The following ORC5 variants were observed in gnomAD, a reference collection of about 807,000 sequenced individuals.
ORC5 encodes protein phosphatase 1, regulatory subunit 117.
ORC5 carries 39 observed loss-of-function variants against 58.8 expected under a neutral mutation model. The observed-to-expected ratio is 0.66, with a 90% confidence interval of 0.51 to 0.87. The LOEUF (loss-of-function observed/expected upper bound fraction) is 0.87, where lower values mean the gene tolerates loss of function less well. ORC5 is among the 40% of genes least tolerant of loss of function. The probability of loss-of-function intolerance (pLI) is 0.00; values close to 1 mark genes in which losing one functional copy is unlikely to be tolerated. For synonymous variants in ORC5, 218 were observed against 177.6 expected, an observed-to-expected ratio of 1.23 and a Z score of -1.81; for missense variants, 493 against 506.3, an observed-to-expected ratio of 0.97 and a Z score of 0.25.
At chr7:104,176,584 AG>A (rs1207806855) in intron 8 of ORC5, among the ~76,000 whole-genome samples, 3 of 152,092 alleles carry the variant, frequency 2.0e-5, no homozygotes, top group Non-Finnish European at 4.4e-5. Context: ...TCTAAAAGGG[AG>A]GGGCTATAAT....
chr7:104,168,326 T>A, intron 9 of ORC5, 147 bp downstream of exon 9: 1 of 1,266,534 alleles, frequency 7.9e-7, no homozygotes, highest in Non-Finnish European at 1.0e-6. Context: ...AGAAAAATCA[T>A]TAATCAAAAT....
At chr7:104,130,770 C>G (rs1312621764) in intron 13 of ORC5, among the ~76,000 whole-genome samples, 1 of 152,132 alleles carries the variant, frequency 6.6e-6, no homozygotes, top group Non-Finnish European at 1.5e-5. Context: ...TTTTTGCTAT[C>G]TGGAACATGT....
intron 2 of ORC5, among the ~76,000 whole-genome samples, chr7:104,203,007 G>T (rs996479172): frequency 2.6e-5 from 4 of 152,152 alleles, no homozygotes; most frequent in Admixed American, 6.5e-5. Flanking sequence ...TGCAAAACAG[G>T]GGGGCATCTG....
chr7:104,202,397 AT>A (rs756341377), intron 2 of ORC5: 1 of 285,884 alleles, frequency 3.5e-6, no homozygotes, highest in Non-Finnish European at 7.2e-6. Context: ...TTTCACCAGC[AT>A]TTGCTAACTC....
chr7:104,145,236 T>TATTA (rs1468439801), intron 12 of ORC5, among the ~76,000 whole-genome samples: 4 of 152,226 alleles, frequency 2.6e-5, no homozygotes, highest in African/African-American at 9.6e-5. Flanking sequence ...TGGCTAAGTA[T>TATTA]ATTAACTTCG....
At chr7:104,127,004 A>G (rs959330766) in intron 13 of ORC5, 111 bp from the exon 14 acceptor site, 1 of 678,076 alleles carries the variant, frequency 1.5e-6, no homozygotes, top group Non-Finnish European at 2.5e-6. Flanking sequence ...TAAAAATCCT[A>G]TAGTGCTATC....
intron 5 of ORC5, among the ~76,000 whole-genome samples, chr7:104,194,002 T>A (rs1799737613): frequency 6.6e-6 from 1 of 151,712 alleles, no homozygotes; most frequent in African/African-American, 2.4e-5. Flanking sequence ...AATATCAACA[T>A]TTTTTAATAA....
chr7:104,144,118 C>CAAAAAT (rs912143678), intron 12 of ORC5, among the ~76,000 whole-genome samples: 23 of 151,250 alleles, frequency 1.5e-4, no homozygotes, highest in African/African-American at 5.3e-4. Flanking sequence ...GACTCTGTCT[C>CAAAAAT]AAAAATAAAA....
Position 104,207,983 on chromosome 7 carries a change from G to C in ORC5, c.-79C>G. 7.3e-7 allele frequency: 1 copy of C among 1,371,048 alleles called. No homozygotes were observed. 84.9% of individuals were successfully genotyped at this position (1,371,048 alleles called of 1,614,324 possible). A position where few individuals can be genotyped will look rare whatever the true frequency, so the allele number is the denominator to read the frequency against. The stretch of plus-strand genomic sequence containing the variant: ...CAAGACGGAGCCTCTCCCGAGTCTG[G>C]CGGCCCACGCTCCCGCCGGAAACCG... On this transcript the variant is annotated 5_prime_UTR_variant, in exon 1 of 14. Transcript: ENST00000297431.
At chr7:104,156,644 C>A (rs1319332086) in intron 12 of ORC5, among the ~76,000 whole-genome samples, 1 of 151,672 alleles carries the variant, frequency 6.6e-6, no homozygotes, top group Non-Finnish European at 1.5e-5. Context: ...GTAAATCCAG[C>A]TATAAAAATA....
intron 5 of ORC5, among the ~76,000 whole-genome samples, chr7:104,189,508 C>G (rs916174745): frequency 6.6e-6 from 1 of 151,950 alleles, no homozygotes; most frequent in African/African-American, 2.4e-5. Context: ...ATATCAAGGC[C>G]CCACCTCCTG....
intron 8 of ORC5, among the ~76,000 whole-genome samples, chr7:104,177,917 T>C (rs1347880146): frequency 3.3e-5 from 5 of 152,248 alleles, no homozygotes; most frequent in Non-Finnish European, 5.9e-5. Flanking sequence ...TTTTCATGGC[T>C]GCATAGTATT....
chr7:104,187,973 A>G, intron 6 of ORC5: 3 of 1,040,088 alleles, frequency 2.9e-6, no homozygotes, highest in Non-Finnish European at 3.5e-6. Flanking sequence ...ATTTTCTGCA[A>G]TTAGAGAAAA....
chr7:104,206,708 T>C (rs902565928), intron 1 of ORC5, among the ~76,000 whole-genome samples: 5 of 152,210 alleles, frequency 3.3e-5, no homozygotes, highest in Non-Finnish European at 7.3e-5. Context: ...GAAAGTACAG[T>C]CACGTGTACA....
chr7:104,150,281 G>A (rs114432484), intron 12 of ORC5, among the ~76,000 whole-genome samples: 2,268 of 152,122 alleles, frequency 0.015, 58 homozygotes, highest in African/African-American at 0.052. Flanking sequence ...GCTTGTCCTG[G>A]AGGAGCTTCA....
At chr7:104,147,782 T>C (rs1584484798) in intron 12 of ORC5, among the ~76,000 whole-genome samples, 1 of 152,336 alleles carries the variant, frequency 6.6e-6, no homozygotes, top group Non-Finnish European at 1.5e-5. Flanking sequence ...ACTGAACATA[T>C]TAAAAACATT....
At chr7:104,130,453 G>A (rs757441603) in intron 13 of ORC5, among the ~76,000 whole-genome samples, 2 of 152,088 alleles carry the variant, frequency 1.3e-5, no homozygotes, top group Admixed American at 6.5e-5. Flanking sequence ...ACTCTCTACT[G>A]TACCCCCGGA....
At chr7:104,189,357 G>A (rs561676549) in intron 5 of ORC5, among the ~76,000 whole-genome samples, 10 of 152,146 alleles carry the variant, frequency 6.6e-5, no homozygotes, top group Admixed American at 5.2e-4. Context: ...AACAGCTTTC[G>A]TGAGAACTCA....
At chr7:104,171,101 T>C (rs183538976) in intron 8 of ORC5, among the ~76,000 whole-genome samples, 1 of 152,318 alleles carries the variant, frequency 6.6e-6, no homozygotes, top group Admixed American at 6.5e-5. Context: ...CTTTGTCCAT[T>C]TATTCTAAGT....
Sources: allele counts gnomAD v4.1 joint callset (sites outside exome capture counted in the v4.1 genomes callset), GRCh38; gene constraint gnomAD v4.1.1; transcripts MANE v1.5; gene names NCBI Gene and HGNC (gene_info 2026-07-23, HGNC 2026-07-21).